Variants in PPP2R2C observed in about 807,000 individuals in gnomAD.
The protein encoded by PPP2R2C is protein phosphatase 2 regulatory subunit Bgamma, also known as protein phosphatase 2, regulatory subunit B, gamma.
In PPP2R2C, 10 loss-of-function variants were observed where a neutral mutation model predicts 45.3. The ratio of observed to expected loss-of-function variants is 0.22; its 90% CI spans 0.14 to 0.37. The LOEUF is 0.37. Ranked by LOEUF, PPP2R2C falls within the 10% of genes least tolerant of loss-of-function variation. The pLI is 1.00. For missense variants in PPP2R2C, 308 were observed against 619.7 expected (o/e 0.50, Z 5.34); for synonymous variants, 257 against 245.4 (o/e 1.05, Z -0.44).
intron 5 of PPP2R2C, among the ~76,000 whole-genome samples, chr4:6,357,237 C>G (rs1031629598): frequency 6.6e-6 from 1 of 152,258 alleles, no homozygotes; most frequent in East Asian, 1.9e-4. Flanking sequence ...GAGACAGGGA[C>G]AGCGAGGTGC....
At chr4:6,543,601 C>T (rs1724877799) in intron 1 of PPP2R2C, among the ~76,000 whole-genome samples, 1 of 152,128 alleles carries the variant, frequency 6.6e-6, no homozygotes, top group Admixed American at 6.5e-5. Flanking sequence ...ATGTCAGCTG[C>T]TAGCAGGACA....
rs561697931 is a variant in PPP2R2C at position 6,537,995 on chromosome 4, G to A, written c.-58-2618C>T. Among the ~76,000 whole-genome samples, 418 of 152,274 alleles carry A rather than the reference G, an allele frequency of 2.7e-3. 3 individuals are homozygous for A. The highest frequency in any genetic ancestry group is 9.5e-3 in the African/African-American group (393 of 41,550). ...AGGGCTGGGGTTATGGAGAGTTGGT[G>A]TTAATGGGTACAAAGAAAAAGCTCC... On this transcript the variant is annotated intron_variant, in intron 1 of 9. Transcript: ENST00000506140.
chr4:6,391,988 T>C (rs777902279), intron 1 of PPP2R2C, among the ~76,000 whole-genome samples: 24 of 152,206 alleles, frequency 1.6e-4, no homozygotes, highest in Non-Finnish European at 2.2e-4. Context: ...GCTCATCACC[T>C]AGCTTGTGAC....
At chr4:6,402,699 A>G (rs6838132) in intron 1 of PPP2R2C, among the ~76,000 whole-genome samples, 30,749 of 152,186 alleles carry the variant, frequency 0.2, 3,450 homozygotes, top group South Asian at 0.3. Context: ...GGAGGGAGAC[A>G]TGGGGATTCT....
chr4:6,412,349 A>AC (rs1256238510), intron 1 of PPP2R2C, among the ~76,000 whole-genome samples: 32 of 152,084 alleles, frequency 2.1e-4, no homozygotes, highest in Admixed American at 2.1e-3. Context: ...CCTCAAAGTA[A>AC]CCCCAGGGGA....
chr4:6,478,755 C>G (rs1436755148), intron 2 of PPP2R2C, among the ~76,000 whole-genome samples: 1 of 152,330 alleles, frequency 6.6e-6, no homozygotes, highest in African/African-American at 2.4e-5. Context: ...AATGACCCTC[C>G]AAAACGCAGC....
chr4:6,346,026 C>T (rs1278250329), intron 6 of PPP2R2C, among the ~76,000 whole-genome samples: 1 of 152,186 alleles, frequency 6.6e-6, no homozygotes, highest in African/African-American at 2.4e-5. Context: ...CCCACCTTCA[C>T]CCACAGCTCA....
intron 6 of PPP2R2C, 54 bp downstream of exon 6, chr4:6,347,785 GACATCCC>G: frequency 7.0e-7 from 1 of 1,432,104 alleles, no homozygotes; most frequent in Non-Finnish European, 9.3e-7. Flanking sequence ...ACCAGGACAG[GACATCCC>G]ACCCGCCCGC....
intron 1 of PPP2R2C, among the ~76,000 whole-genome samples, chr4:6,468,477 C>T (rs193106935): frequency 5.3e-5 from 8 of 152,294 alleles, no homozygotes; most frequent in Admixed American, 5.2e-4. Context: ...GAGTGTCCAA[C>T]AGTGTGTGAT....
rs967111163 is a variant in PPP2R2C, at chr4:6,383,206, G to T, written c.71-2112C>A. Reference sequence around the variant, plus strand: ...CGCAGGCTGGCCCACTGGCCCCTGAGGGGGAGGAGGAAGAGTGGGTGCAGA... The same window carrying T: ...CGCAGGCTGGCCCACTGGCCCCTGATGGGGAGGAGGAAGAGTGGGTGCAGA... On this transcript the variant is annotated intron_variant, in intron 1 of 8. Coordinates refer to ENST00000382599, the MANE Select transcript of PPP2R2C (RefSeq NM_020416.4). 7 of 1,191,214 alleles carry T rather than the reference G, an allele frequency of 5.9e-6. No homozygotes were observed. The East Asian group carries it at 1.8e-4, about 31-fold the overall frequency. The allele number at this position is 1,191,214 out of a possible 1,614,324, so 73.8% of individuals were successfully genotyped here. A position where few individuals can be genotyped will look rare whatever the true frequency, so the allele number is the denominator to read the frequency against.
chr4:6,383,425 A>G, intron 1 of PPP2R2C: 1 of 1,289,730 alleles, frequency 7.8e-7, no homozygotes, highest in African/African-American at 1.5e-5. Context: ...AGCCTCATCT[A>G]CTGCTCTCCA....
At chr4:6,446,283 C>T (rs1023528279) in intron 1 of PPP2R2C, among the ~76,000 whole-genome samples, 66 of 152,292 alleles carry the variant, frequency 4.3e-4, no homozygotes, top group Admixed American at 6.5e-5. Flanking sequence ...TCCCCCACAC[C>T]GACACACCCA....
At chr4:6,350,890 T>C (rs1712489852) in intron 5 of PPP2R2C, 5 of 985,340 alleles carry the variant, frequency 5.1e-6, no homozygotes, top group Non-Finnish European at 6.0e-6. Context: ...AAGTGGGTGT[T>C]TGAGGCCTTG....
At chr4:6,432,507 A>G (rs1719677274) in intron 1 of PPP2R2C, among the ~76,000 whole-genome samples, 1 of 152,160 alleles carries the variant, frequency 6.6e-6, no homozygotes, top group Non-Finnish European at 1.5e-5. Flanking sequence ...TTCCCTGAAC[A>G]CACACCAGCT....
At chr4:6,355,551 C>CAAAAAA (rs566926127) in intron 5 of PPP2R2C, among the ~76,000 whole-genome samples, 123 of 78,960 alleles carry the variant, frequency 1.6e-3, no homozygotes, top group African/African-American at 4.7e-3. Flanking sequence ...ACAGAAAGCA[C>CAAAAAA]AAAAAAAAAA....
At chr4:6,408,737 C>T (rs1283529431) in intron 1 of PPP2R2C, among the ~76,000 whole-genome samples, 2 of 152,038 alleles carry the variant, frequency 1.3e-5, no homozygotes, top group Non-Finnish European at 2.9e-5. Flanking sequence ...AGGTGATCTG[C>T]GGGGCACCCT....
intron 2 of PPP2R2C, among the ~76,000 whole-genome samples, chr4:6,521,963 C>T (rs891975774): frequency 2.0e-5 from 3 of 152,192 alleles, no homozygotes; most frequent in Non-Finnish European, 2.9e-5. Context: ...CTGTTCTCCC[C>T]AAGAGGCAAG....
At chr4:6,478,908 G>C (rs906514447) in intron 2 of PPP2R2C, among the ~76,000 whole-genome samples, 18 of 152,202 alleles carry the variant, frequency 1.2e-4, no homozygotes, top group African/African-American at 1.7e-4. Flanking sequence ...GAGAGACAGG[G>C]GTGGTGAGCT....
chr4:6,483,189 G>A (rs1310369159), intron 2 of PPP2R2C, among the ~76,000 whole-genome samples: 1 of 151,978 alleles, frequency 6.6e-6, no homozygotes, highest in Non-Finnish European at 1.5e-5. Flanking sequence ...TATTTGTTTT[G>A]CTAATATCTT....
Sources: allele counts gnomAD v4.1 joint callset (sites outside exome capture counted in the v4.1 genomes callset), GRCh38; gene constraint gnomAD v4.1.1; transcripts MANE v1.5; gene names NCBI Gene and HGNC (gene_info 2026-07-23, HGNC 2026-07-21).